Variants in SUMF1 observed in about 807,000 individuals in gnomAD.
SUMF1 encodes formylglycine-generating enzyme.
SUMF1 carries 48 observed loss-of-function variants against 47.6 expected under a neutral mutation model. The observed-to-expected ratio is 1.01, with a 90% CI of 0.80 to 1.28. The LOEUF (loss-of-function observed/expected upper bound fraction) is 1.28. SUMF1 is among the 50% of genes most tolerant of loss of function. SUMF1 has a pLI of 0.00. For missense variants in SUMF1, 571 were observed against 485.4 expected, an observed-to-expected ratio of 1.18 and a Z score of -1.66; for synonymous variants, 230 against 192.1, an observed-to-expected ratio of 1.20 and a Z score of -1.63.
chr3:4,368,410 A>G (rs991558187), intron 8 of SUMF1, among the ~76,000 whole-genome samples: 23 of 152,246 alleles, frequency 1.5e-4, no homozygotes, highest in Non-Finnish European at 1.2e-4. Flanking sequence ...TAGTTCAACC[A>G]TTGTGGAAGT....
chr3:4,466,578 CGAG>C (rs1164074500), intron 1 of SUMF1, among the ~76,000 whole-genome samples: 1 of 152,084 alleles, frequency 6.6e-6, no homozygotes, highest in Non-Finnish European at 1.5e-5. Flanking sequence ...AGAGTGTACT[CGAG>C]GAGACTACAG....
chr3:4,248,927 G>C (rs948667422), intron 8 of SUMF1, among the ~76,000 whole-genome samples: 2 of 152,186 alleles, frequency 1.3e-5, no homozygotes, highest in African/African-American at 4.8e-5. Context: ...AAAGAGCCCT[G>C]ACATGGGATC....
In SUMF1 at chr3:4,352,844, C is replaced by T. The variant is rs184691661; in HGVS notation, c.1014+23486G>A. On this transcript the variant is annotated intron_variant and NMD_transcript_variant, in intron 8 of 12. Coordinates refer to the SUMF1 transcript ENST00000448413. ...CATTTAAGAGGTCTCCCAAAACAAA[C>T]AGGAAGGAAGTGCTTCTGAACAGTT... 2.3e-4 allele frequency among the ~76,000 whole-genome samples: 34 copies of T among 151,100 alleles called. 1 individual carries two copies. Among genetic ancestry groups the T allele is most frequent in the African/African-American group, 7.8e-4 (32 of 41,184 alleles).
chr3:4,041,916 C>G (rs1694913194), intron 9 of SUMF1, among the ~76,000 whole-genome samples: 1 of 152,108 alleles, frequency 6.6e-6, no homozygotes, highest in South Asian at 2.1e-4. Flanking sequence ...TTCTTCCAGA[C>G]CACATGAAAG....
intron 8 of SUMF1, among the ~76,000 whole-genome samples, chr3:4,119,378 T>C (rs1372178012): frequency 6.6e-6 from 1 of 152,110 alleles, no homozygotes; most frequent in Non-Finnish European, 1.5e-5. Context: ...TGGAGGCCTT[T>C]GCAGTTTGAC....
intron 8 of SUMF1, among the ~76,000 whole-genome samples, chr3:4,319,129 G>A (rs910801454): frequency 1.3e-5 from 2 of 152,214 alleles, no homozygotes; most frequent in East Asian, 3.8e-4. Flanking sequence ...CAAGGATGTG[G>A]AGCAACAGGA....
intron 3 of SUMF1, 80 bp downstream of exon 3, chr3:4,449,186 A>C (rs978524471): frequency 1.4e-6 from 2 of 1,444,612 alleles, no homozygotes; most frequent in Admixed American, 1.7e-5. Flanking sequence ...GGAAGGTGAC[A>C]CATGTGGTTT....
chr3:4,198,932 C>G lies in SUMF1; in HGVS notation c.1015-130187G>C, dbSNP rs186893145. Among the ~76,000 whole-genome samples, 155 of 152,180 alleles carry G rather than the reference C, an allele frequency of 1.0e-3. 1 individual carries two copies. The highest frequency in any genetic ancestry group is 3.9e-3 in the East Asian group (20 of 5,180). On this transcript the variant is annotated intron_variant and NMD_transcript_variant, in intron 8 of 12. Transcript: ENST00000448413. ...AGAAATAATCATTTAAGAAAGATAC[C>G]CTTCCAAGCTATTATCCCTCTGAAA...
chr3:4,349,855 G>C (rs1699450341), intron 8 of SUMF1, among the ~76,000 whole-genome samples: 1 of 151,972 alleles, frequency 6.6e-6, no homozygotes, highest in Non-Finnish European at 1.5e-5. Flanking sequence ...GTGAAGGGAA[G>C]GAAGTTGGAG....
At chr3:4,408,974 A>T (rs1240205087) in intron 7 of SUMF1, among the ~76,000 whole-genome samples, 5 of 151,622 alleles carry the variant, frequency 3.3e-5, no homozygotes, top group African/African-American at 7.3e-5. Context: ...AATAAAAATT[A>T]AAAAAAAAGA....
intron 8 of SUMF1, among the ~76,000 whole-genome samples, chr3:4,258,902 G>A (rs543730050): frequency 6.5e-5 from 9 of 137,510 alleles, no homozygotes; most frequent in East Asian, 5.9e-4. Context: ...AGAAAATGTC[G>A]CACATATACA....
intron 8 of SUMF1, among the ~76,000 whole-genome samples, chr3:4,212,152 G>C (rs1695813395): frequency 6.6e-6 from 1 of 152,148 alleles, no homozygotes; most frequent in South Asian, 2.1e-4. Flanking sequence ...CTCCCAGTAG[G>C]GGCCGACAGA....
intron 8 of SUMF1, among the ~76,000 whole-genome samples, chr3:4,202,772 T>C (rs183588969): frequency 6.6e-6 from 1 of 152,084 alleles, no homozygotes; most frequent in East Asian, 1.9e-4. Flanking sequence ...TGGTATGTTG[T>C]ATTTCCATTT....
At chr3:4,214,824 C>T (rs563621488) in intron 8 of SUMF1, among the ~76,000 whole-genome samples, 4 of 152,186 alleles carry the variant, frequency 2.6e-5, no homozygotes, top group South Asian at 4.2e-4. Context: ...TGGACACATA[C>T]ACCCTCCCAA....
At chr3:4,229,000 G>A (rs913219398) in intron 8 of SUMF1, among the ~76,000 whole-genome samples, 3 of 152,156 alleles carry the variant, frequency 2.0e-5, no homozygotes, top group African/African-American at 7.2e-5. Flanking sequence ...CAAAGTGTGT[G>A]CCAATAACCA....
At chr3:4,064,531 T>C (rs1448048861) in intron 9 of SUMF1, among the ~76,000 whole-genome samples, 1 of 152,172 alleles carries the variant, frequency 6.6e-6, no homozygotes, top group African/African-American at 2.4e-5. Flanking sequence ...ACTCTGCCTA[T>C]GGAGTAGGCA....
intron 8 of SUMF1, among the ~76,000 whole-genome samples, chr3:4,163,250 C>A (rs1223305514): frequency 6.6e-6 from 1 of 151,016 alleles, no homozygotes; most frequent in South Asian, 2.1e-4. Flanking sequence ...AACACTCCAA[C>A]AACCAATTAT....
At chr3:4,202,162 C>T (rs1444108411) in intron 8 of SUMF1, among the ~76,000 whole-genome samples, 1 of 151,880 alleles carries the variant, frequency 6.6e-6, no homozygotes. Context: ...GGGATATTAC[C>T]AAAGAAATCT....
At position 4,282,712 on chromosome 3, in the gene SUMF1, T is replaced by C. The variant is rs146243503; in HGVS notation, c.1014+93618A>G. 2.4e-3 allele frequency among the ~76,000 whole-genome samples: 373 copies of C among 152,332 alleles called. 1 individual carries two copies. Among genetic ancestry groups the C allele is most frequent in the Non-Finnish European group, 4.2e-3 (283 of 68,032 alleles). On this transcript the variant is annotated intron_variant and NMD_transcript_variant, in intron 8 of 12. Transcript: ENST00000448413. ...AAGATTTTAAAAGAAAATCTTATTT[T>C]GAAACTTAAAAGTCATAAAACACTC... is the stretch of plus-strand genomic sequence containing the variant.
Sources: allele counts gnomAD v4.1 joint callset (sites outside exome capture counted in the v4.1 genomes callset), GRCh38; gene constraint gnomAD v4.1.1; transcripts MANE v1.5; gene names NCBI Gene and HGNC (gene_info 2026-07-23, HGNC 2026-07-21).